Variants in RBMS1 observed in about 807,000 individuals in gnomAD.
The protein encoded by RBMS1 is RNA-binding motif, single-stranded-interacting protein 1.
RBMS1 carries 17 observed loss-of-function variants against 62.3 expected under a neutral mutation model. The ratio of observed to expected loss-of-function variants is 0.27; its 90% CI spans 0.19 to 0.41. The LOEUF is 0.41. RBMS1 is among the 10% of genes least tolerant of loss of function. The probability of loss-of-function intolerance (pLI) is 1.00; values close to 1 mark genes in which losing one functional copy is unlikely to be tolerated. For synonymous variants in RBMS1, 172 were observed against 170.0 expected (o/e 1.01, Z -0.09); for missense variants, 334 against 504.5 (o/e 0.66, Z 3.24).
intron 1 of RBMS1, among the ~76,000 whole-genome samples, chr2:160,367,743 C>CT (rs1693489449): frequency 6.6e-6 from 1 of 152,120 alleles, no homozygotes; most frequent in Non-Finnish European, 1.5e-5. Flanking sequence ...AATCACTAGA[C>CT]TTTTGAAAAG....
chr2:160,311,232 C>CTATCTATCTATCTATATATA (rs1381483574), intron 4 of RBMS1, among the ~76,000 whole-genome samples: 11 of 79,252 alleles, frequency 1.4e-4, no homozygotes, highest in Non-Finnish European at 2.0e-4. Flanking sequence ...ATCTATCTAT[C>CTATCTATCTATCTATATATA]TATATATATA....
chr2:160,336,587 A>T (rs541149409), intron 2 of RBMS1, among the ~76,000 whole-genome samples: 7 of 152,326 alleles, frequency 4.6e-5, no homozygotes, highest in Admixed American at 4.6e-4. Context: ...TAGCAACCAC[A>T]TTAAAAAAAC....
intron 1 of RBMS1, among the ~76,000 whole-genome samples, chr2:160,391,550 C>T (rs933371329): frequency 1.3e-5 from 2 of 152,124 alleles, no homozygotes; most frequent in African/African-American, 4.8e-5. Context: ...TAGTAAAACA[C>T]ACATTTTGCC....
At chr2:160,308,098 G>A (rs1332074290) in intron 4 of RBMS1, among the ~76,000 whole-genome samples, 1 of 152,146 alleles carries the variant, frequency 6.6e-6, no homozygotes, top group East Asian at 1.9e-4. Context: ...CACAGGGGCT[G>A]GACTTAAACT....
At chr2:160,387,082 C>T (rs1694618098) in intron 1 of RBMS1, among the ~76,000 whole-genome samples, 1 of 152,208 alleles carries the variant, frequency 6.6e-6, no homozygotes, top group South Asian at 2.1e-4. Context: ...AATTTGATCA[C>T]AGGACACTGT....
chr2:160,352,710 C>T (rs989461932), intron 2 of RBMS1, among the ~76,000 whole-genome samples: 1 of 152,150 alleles, frequency 6.6e-6, no homozygotes, highest in Non-Finnish European at 1.5e-5. Flanking sequence ...ATGACCTACA[C>T]ATCCATCATG....
chr2:160,333,855 G>C (rs186692724), intron 2 of RBMS1, among the ~76,000 whole-genome samples: 1 of 151,908 alleles, frequency 6.6e-6, no homozygotes, highest in Admixed American at 6.6e-5. Context: ...TAACAAACCC[G>C]TTTTTCTAAA....
At chr2:160,331,576 A>G (rs1691276007) in intron 2 of RBMS1, among the ~76,000 whole-genome samples, 1 of 152,226 alleles carries the variant, frequency 6.6e-6, no homozygotes, top group Admixed American at 6.5e-5. Context: ...AACATTTGAC[A>G]TTCAGAAGAA....
Position 160,277,468 on chromosome 2 carries a change from T to C in RBMS1, c.1063-85A>G. ...TGGGGGGATTGTGAGATGGATATAA[T>C]GTATTTGGAAATCTCAAAGAAGAAA... On this transcript the variant is annotated intron_variant, in intron 11 of 13. Transcript: ENST00000348849. The C allele has an allele frequency of 6.0e-6, 6 of 1,003,174 alleles. No individual in the cohort carries two copies. In the South Asian group the frequency reaches 6.9e-5, roughly 12 times the overall value. The allele number at this position is 1,003,174 out of a possible 1,614,324, so 62.1% of individuals were successfully genotyped here.
chr2:160,367,054 A>G, intron 2 of RBMS1, 162 bp downstream of exon 2: 1 of 569,812 alleles, frequency 1.8e-6, no homozygotes, highest in Non-Finnish European at 2.8e-6. Context: ...TTGACTCAAA[A>G]AGTATTTAAG....
chr2:160,422,647 C>T (rs975500175), intron 1 of RBMS1, among the ~76,000 whole-genome samples: 1 of 151,676 alleles, frequency 6.6e-6, no homozygotes, highest in Non-Finnish European at 1.5e-5. Context: ...CGCCCCACCA[C>T]ATTTAATTTA....
chr2:160,375,136 C>T (rs990223549), intron 1 of RBMS1, among the ~76,000 whole-genome samples: 5 of 152,140 alleles, frequency 3.3e-5, no homozygotes, highest in African/African-American at 1.2e-4. Context: ...TGGACAGTGC[C>T]ATCTCCAGAT....
intron 1 of RBMS1, among the ~76,000 whole-genome samples, chr2:160,418,564 A>G (rs1008122248): frequency 6.6e-6 from 1 of 152,220 alleles, no homozygotes; most frequent in Non-Finnish European, 1.5e-5. Context: ...AACAACGACT[A>G]TTAGTATCTG....
At chr2:160,438,862 G>A (rs376288845) in intron 1 of RBMS1, among the ~76,000 whole-genome samples, 1 of 151,344 alleles carries the variant, frequency 6.6e-6, no homozygotes, top group African/African-American at 2.4e-5. Flanking sequence ...CTCACCTCCC[G>A]GACAGGGCGG....
chr2:160,363,201 A>T (rs570847281), intron 2 of RBMS1, among the ~76,000 whole-genome samples: 1 of 152,300 alleles, frequency 6.6e-6, no homozygotes, highest in East Asian at 1.9e-4. Context: ...TGGGATACCA[A>T]ACCCAGCAAT....
intron 4 of RBMS1, among the ~76,000 whole-genome samples, chr2:160,307,120 C>T (rs1275924939): frequency 6.6e-6 from 1 of 152,030 alleles, no homozygotes; most frequent in Non-Finnish European, 1.5e-5. Flanking sequence ...CAGCGTAAAG[C>T]ACTCAGTCAT....
chr2:160,364,774 C>T (rs1693309362), intron 2 of RBMS1, among the ~76,000 whole-genome samples: 3 of 152,196 alleles, frequency 2.0e-5, no homozygotes, highest in Non-Finnish European at 2.9e-5. Context: ...CCATGATAAA[C>T]ATTCCTGGCT....
intron 13 of RBMS1, 161 bp downstream of exon 13, chr2:160,275,469 A>T (rs1687785045): frequency 7.8e-7 from 1 of 1,279,268 alleles, no homozygotes; most frequent in Non-Finnish European, 1.0e-6. Context: ...AAATTCATAA[A>T]ATCACTGATT....
Position 160,428,582 on chromosome 2 carries a change from A to T in RBMS1, c.76-61191T>A, listed in dbSNP as rs556699559. 1.4e-4 allele frequency among the ~76,000 whole-genome samples: 22 copies of T among 152,310 alleles called. No homozygotes were observed. The South Asian group carries it at 4.6e-3, about 32-fold the overall frequency. ...TTTTCCTACTACTGTGGGTAGGAGA[A>T]CAGAGGTTTTGGGTGTCAACCTACG... is the stretch of plus-strand genomic sequence containing the variant. On this transcript the variant is annotated intron_variant, in intron 1 of 13. Transcript: ENST00000348849.
Sources: allele counts gnomAD v4.1 joint callset (sites outside exome capture counted in the v4.1 genomes callset), GRCh38; gene constraint gnomAD v4.1.1; transcripts MANE v1.5; gene names NCBI Gene and HGNC (gene_info 2026-07-23, HGNC 2026-07-21).